Variants in FGF12 observed in about 807,000 individuals in gnomAD.
FGF12 encodes fibroblast growth factor 12B.
A neutral mutation model predicts 23.6 loss-of-function variants in FGF12; 14 were observed. That is an observed-to-expected ratio of 0.59 (90% CI 0.39 to 0.93). The LOEUF (loss-of-function observed/expected upper bound fraction) is 0.93, where lower values mean the gene tolerates loss of function less well. Ranked by LOEUF, FGF12 falls within the 40% of genes least tolerant of loss-of-function variation. The probability of loss-of-function intolerance (pLI) is 0.00; values close to 1 mark genes in which losing one functional copy is unlikely to be tolerated. For synonymous variants in FGF12, 62 were observed against 77.3 expected (o/e 0.80, Z 1.04); for missense variants, 175 against 217.8 (o/e 0.80, Z 1.24).
intron 2 of FGF12, among the ~76,000 whole-genome samples, chr3:192,416,368 C>G (rs534540078): frequency 6.6e-6 from 1 of 152,070 alleles, no homozygotes; most frequent in South Asian, 2.1e-4. Context: ...GATAAGTTGT[C>G]CTTACATAAA....
intron 2 of FGF12, among the ~76,000 whole-genome samples, chr3:192,569,947 A>T (rs574023666): frequency 6.6e-6 from 1 of 152,362 alleles, no homozygotes; most frequent in South Asian, 2.1e-4. Flanking sequence ...CGCTGCTATG[A>T]CAATTTTTGG....
At chr3:192,641,425 A>T (rs1715801310) in intron 2 of FGF12, among the ~76,000 whole-genome samples, 1 of 111,366 alleles carries the variant, frequency 9.0e-6, no homozygotes, top group African/African-American at 3.7e-5. Flanking sequence ...TTTTTTTGAG[A>T]CAGAGTTTCA....
At chr3:192,466,036 G>A (rs945552738) in intron 2 of FGF12, among the ~76,000 whole-genome samples, 1 of 152,144 alleles carries the variant, frequency 6.6e-6, no homozygotes, top group Non-Finnish European at 1.5e-5. Flanking sequence ...GATCACCACG[G>A]AGCATACGTA....
chr3:192,444,352 C>T (rs932810074), intron 2 of FGF12, among the ~76,000 whole-genome samples: 6 of 152,170 alleles, frequency 3.9e-5, no homozygotes, highest in Non-Finnish European at 7.4e-5. Flanking sequence ...ATTTCCCATT[C>T]AGTAGGTTTA....
At chr3:192,414,297 C>A (rs1721281367) in intron 2 of FGF12, among the ~76,000 whole-genome samples, 1 of 152,108 alleles carries the variant, frequency 6.6e-6, no homozygotes, top group Non-Finnish European at 1.5e-5. Flanking sequence ...TGTCATATCG[C>A]CATTTTATAA....
chr3:192,638,606 C>A (rs765608614), intron 2 of FGF12, among the ~76,000 whole-genome samples: 7 of 152,328 alleles, frequency 4.6e-5, no homozygotes, highest in South Asian at 4.1e-4. Context: ...AAATAATAAA[C>A]AATGATAGCT....
At chr3:192,401,257 T>C (rs139944550) in intron 2 of FGF12, among the ~76,000 whole-genome samples, 1 of 152,340 alleles carries the variant, frequency 6.6e-6, no homozygotes, top group African/African-American at 2.4e-5. Context: ...CAATCTCTTT[T>C]GATATCTTAT....
chr3:192,516,202 C>T (rs1724662569), intron 2 of FGF12, among the ~76,000 whole-genome samples: 1 of 152,118 alleles, frequency 6.6e-6, no homozygotes, highest in African/African-American at 2.4e-5. Context: ...TTATTTAGAC[C>T]CCACCTGTAG....
chr3:192,439,710 C>T (rs879313647), intron 2 of FGF12, among the ~76,000 whole-genome samples: 11 of 152,260 alleles, frequency 7.2e-5, no homozygotes, highest in Admixed American at 2.0e-4. Context: ...GGCGTGGTGG[C>T]TCACGCCTGT....
At chr3:192,677,874 C>T (rs1717385457) in intron 2 of FGF12, among the ~76,000 whole-genome samples, 1 of 152,168 alleles carries the variant, frequency 6.6e-6, no homozygotes, top group Non-Finnish European at 1.5e-5. Context: ...ATCCATTCAT[C>T]AGAAGAGGAA....
intron 4 of FGF12, among the ~76,000 whole-genome samples, chr3:192,253,419 A>G (rs1180565404): frequency 6.6e-6 from 1 of 152,066 alleles, no homozygotes; most frequent in Non-Finnish European, 1.5e-5. Flanking sequence ...GGCAACAAGG[A>G]GAGAGGGAGG....
chr3:192,471,437 T>C (rs1723171122), intron 2 of FGF12, among the ~76,000 whole-genome samples: 1 of 152,140 alleles, frequency 6.6e-6, no homozygotes, highest in South Asian at 2.1e-4. Context: ...CTATATATAA[T>C]GAAACCAGCA....
chr3:192,639,873 A>G (rs1715725652), intron 2 of FGF12, among the ~76,000 whole-genome samples: 1 of 152,200 alleles, frequency 6.6e-6, no homozygotes, highest in Non-Finnish European at 1.5e-5. Context: ...TGTATATACA[A>G]TGAAGTGTTA....
At chr3:192,305,223 T>C (rs535958113) in intron 4 of FGF12, among the ~76,000 whole-genome samples, 8 of 152,260 alleles carry the variant, frequency 5.3e-5, no homozygotes, top group African/African-American at 1.7e-4. Flanking sequence ...CTGTTTCTCA[T>C]TGCCACTCTT....
At chr3:192,568,653 T>G (rs1712456153) in intron 2 of FGF12, among the ~76,000 whole-genome samples, 1 of 152,122 alleles carries the variant, frequency 6.6e-6, no homozygotes, top group Non-Finnish European at 1.5e-5. Context: ...GTTTTGAGAG[T>G]GTTTTTGTTA....
chr3:192,490,472 T>C lies in FGF12; in HGVS notation c.14-129934A>G, dbSNP rs559689808. 1.1e-4 allele frequency among the ~76,000 whole-genome samples: 17 copies of C among 152,234 alleles called. No individual in the cohort carries two copies. In the East Asian group the frequency reaches 3.1e-3, roughly 28 times the overall value. On this transcript the variant is annotated intron_variant, in intron 2 of 5. Transcript: ENST00000445105. ...ATACAAACATATATAAACATATAAG[T>C]GTGTATGTATACATGTGTATGTATG...
At chr3:192,430,078 T>C (rs901070099) in intron 2 of FGF12, among the ~76,000 whole-genome samples, 2 of 152,150 alleles carry the variant, frequency 1.3e-5, no homozygotes, top group African/African-American at 4.8e-5. Flanking sequence ...TGCTTGCATA[T>C]GTTCATAGCA....
intron 2 of FGF12, among the ~76,000 whole-genome samples, chr3:192,445,649 G>A (rs1722332761): frequency 6.6e-6 from 1 of 152,056 alleles, no homozygotes; most frequent in African/African-American, 2.4e-5. Context: ...GGTCTCTCAC[G>A]CTTCTCTTTC....
intron 4 of FGF12, among the ~76,000 whole-genome samples, chr3:192,184,072 A>G (rs1410157028): frequency 1.3e-5 from 2 of 151,944 alleles, no homozygotes; most frequent in Admixed American, 1.3e-4. Flanking sequence ...AAACATACAA[A>G]AATTACCCAG....
Sources: allele counts gnomAD v4.1 joint callset (sites outside exome capture counted in the v4.1 genomes callset), GRCh38; gene constraint gnomAD v4.1.1; transcripts MANE v1.5; gene names NCBI Gene and HGNC (gene_info 2026-07-23, HGNC 2026-07-21).